Variants in ADAMTS17 observed in about 807,000 individuals in gnomAD.
ADAMTS17 encodes the protein ADAM metallopeptidase with thrombospondin type 1 motif 17, also known as A disintegrin and metalloproteinase with thrombospondin motifs 17.
Under a neutral mutation model 141.5 loss-of-function variants are expected in ADAMTS17, and 113 were observed. The ratio of observed to expected loss-of-function variants is 0.80; its 90% CI spans 0.69 to 0.93. The LOEUF (loss-of-function observed/expected upper bound fraction) is 0.93. Ranked by LOEUF, ADAMTS17 falls within the 40% of genes least tolerant of loss-of-function variation. The pLI is 0.00. For synonymous variants in ADAMTS17, 768 were observed against 630.6 expected (o/e 1.22, Z -3.27); for missense variants, 1,659 against 1,517.9 (o/e 1.09, Z -1.54).
chr15:100,324,869 A>AAAGCCC (rs1235534333), intron 3 of ADAMTS17, among the ~76,000 whole-genome samples: 1 of 152,210 alleles, frequency 6.6e-6, no homozygotes, highest in Non-Finnish European at 1.5e-5. Flanking sequence ...AATACTCACA[A>AAAGCCC]AAGCCCTAAG....
chr15:100,153,899 G>C (rs2039307769), intron 9 of ADAMTS17, among the ~76,000 whole-genome samples: 2 of 152,118 alleles, frequency 1.3e-5, no homozygotes, highest in South Asian at 4.1e-4. Flanking sequence ...ACCTGATCTT[G>C]GCCGGGCGCG....
intron 15 of ADAMTS17, among the ~76,000 whole-genome samples, chr15:100,068,906 A>G (rs568667565): frequency 1.2e-4 from 18 of 151,816 alleles, no homozygotes; most frequent in African/African-American, 4.3e-4. Context: ...AGAGAATGAT[A>G]AGCTGAGAGA....
chr15:100,151,155 GA>G (rs1005922524), intron 10 of ADAMTS17, among the ~76,000 whole-genome samples: 9 of 152,290 alleles, frequency 5.9e-5, no homozygotes, highest in African/African-American at 1.9e-4. Context: ...CATCCAGTGG[GA>G]GGCTGACATG....
chr15:99,995,611 C>T (rs541896280), intron 19 of ADAMTS17, among the ~76,000 whole-genome samples: 1 of 152,262 alleles, frequency 6.6e-6, no homozygotes, highest in South Asian at 2.1e-4. Context: ...CGGGAAGAAG[C>T]TGGGGAGTAG....
intron 15 of ADAMTS17, among the ~76,000 whole-genome samples, chr15:100,091,029 G>A (rs1441470256): frequency 5.7e-5 from 5 of 88,194 alleles, no homozygotes; most frequent in African/African-American, 1.5e-4. Context: ...AAAAAAAAAA[G>A]GGTAACCAAT....
chr15:100,076,241 C>T (rs2034367135), intron 15 of ADAMTS17, among the ~76,000 whole-genome samples: 1 of 152,050 alleles, frequency 6.6e-6, no homozygotes, highest in African/African-American at 2.4e-5. Context: ...TGGGGTTGCA[C>T]TATGTTGGGC....
chr15:100,152,586 G>T (rs752004246), intron 10 of ADAMTS17, 26 bp downstream of exon 10: 2 of 1,610,424 alleles, frequency 1.2e-6, no homozygotes, highest in Non-Finnish European at 1.7e-6. Flanking sequence ...GCTCTGTCCC[G>T]AGCCAGCCCT....
At chr15:100,254,424 G>T (rs2043257278) in intron 6 of ADAMTS17, among the ~76,000 whole-genome samples, 1 of 152,174 alleles carries the variant, frequency 6.6e-6, no homozygotes, top group African/African-American at 2.4e-5. Flanking sequence ...CGTAACAGTT[G>T]CTGGAAGGAC....
At chr15:100,125,697 C>T (rs545867899) in intron 12 of ADAMTS17, among the ~76,000 whole-genome samples, 2 of 152,210 alleles carry the variant, frequency 1.3e-5, no homozygotes, top group Non-Finnish European at 2.9e-5. Context: ...ACGTAACTCC[C>T]ACCAACAGCA....
At chr15:100,272,584 C>CTG (rs1034673368) in intron 4 of ADAMTS17, among the ~76,000 whole-genome samples, 1 of 52,910 alleles carries the variant, frequency 1.9e-5, no homozygotes, top group Admixed American at 1.7e-4. Context: ...CTGTCTCTCT[C>CTG]TCTGTGTGTG....
chr15:100,000,116 T>C (rs186528396), intron 18 of ADAMTS17, among the ~76,000 whole-genome samples: 50 of 152,250 alleles, frequency 3.3e-4, no homozygotes, highest in African/African-American at 1.2e-3. Flanking sequence ...TAAATGTAAC[T>C]CTTAGCTATC....
Position 100,111,531 on chromosome 15 carries a change from G to A in ADAMTS17, c.1889-2415C>T, listed in dbSNP as rs540901497. 2.0e-5 allele frequency among the ~76,000 whole-genome samples: 3 copies of A among 152,358 alleles called. No individual in the cohort carries two copies. In the South Asian group the frequency reaches 6.2e-4, roughly 32 times the overall value. ...TCCCCAAGCATCTTGTGGAGCTGGT[G>A]GGAGAAATACAGCAACACAGCCCCC... On this transcript the variant is annotated intron_variant, in intron 13 of 21. Coordinates refer to ENST00000268070, the MANE Select transcript of ADAMTS17 (RefSeq NM_139057.4).
intron 6 of ADAMTS17, among the ~76,000 whole-genome samples, chr15:100,258,019 G>T (rs553169259): frequency 2.0e-5 from 3 of 152,154 alleles, no homozygotes; most frequent in Non-Finnish European, 4.4e-5. Context: ...TGTCCTTGAG[G>T]TTCATCCATG....
chr15:100,192,838 A>G (rs1188714127), intron 8 of ADAMTS17, among the ~76,000 whole-genome samples: 1 of 151,956 alleles, frequency 6.6e-6, no homozygotes, highest in African/African-American at 2.4e-5. Context: ...TTATGGGAAC[A>G]TTTCCCCCAC....
intron 8 of ADAMTS17, 77 bp from the exon 9 acceptor site, chr15:100,155,397 C>T (rs1338818914): frequency 1.3e-6 from 2 of 1,559,836 alleles, no homozygotes; most frequent in South Asian, 1.2e-5. Flanking sequence ...GCGGACCATG[C>T]TAAGGTAAAT....
chr15:100,248,291 A>T (rs1322870101), intron 7 of ADAMTS17, among the ~76,000 whole-genome samples: 1 of 152,218 alleles, frequency 6.6e-6, no homozygotes, highest in Admixed American at 6.5e-5. Flanking sequence ...AAACCACCGT[A>T]GCTCAATTTG....
At chr15:100,249,022 T>C (rs2043070722) in intron 7 of ADAMTS17, among the ~76,000 whole-genome samples, 1 of 152,074 alleles carries the variant, frequency 6.6e-6, no homozygotes, top group Admixed American at 6.6e-5. Context: ...TGGTCTCAAA[T>C]TCTTGACCTC....
intron 7 of ADAMTS17, among the ~76,000 whole-genome samples, chr15:100,199,880 G>T (rs1293817171): frequency 6.6e-6 from 1 of 152,238 alleles, no homozygotes; most frequent in Non-Finnish European, 1.5e-5. Flanking sequence ...ACTCCCCTCA[G>T]GCGATGCCCC....
intron 10 of ADAMTS17, among the ~76,000 whole-genome samples, chr15:100,138,934 A>C (rs1015118962): frequency 1.3e-5 from 2 of 152,230 alleles, no homozygotes; most frequent in African/African-American, 4.8e-5. Flanking sequence ...AAAAACAAGA[A>C]GGACAAAAAT....
Sources: gnomAD v4.1 joint callset for allele counts (sites outside exome capture counted in the v4.1 genomes callset) on GRCh38, gnomAD v4.1.1 for gene constraint, MANE v1.5 for transcripts, NCBI Gene and HGNC (gene_info 2026-07-23, HGNC 2026-07-21) for gene names.